The following DOK5 variants were observed in gnomAD, a reference collection of about 807,000 sequenced individuals.
DOK5 encodes downstream of tyrosine kinase 5.
A neutral mutation model predicts 43.3 loss-of-function variants in DOK5; 27 were observed. The ratio of observed to expected loss-of-function variants is 0.62; its 90% CI spans 0.46 to 0.86. The LOEUF is 0.86. Among genes scored for constraint, DOK5 ranks in the 40% least tolerant of loss-of-function variants. The pLI is 0.00. For missense variants in DOK5, 373 were observed against 392.9 expected (o/e 0.95, Z 0.43); for synonymous variants, 146 against 140.1 (o/e 1.04, Z -0.30).
chr20:54,573,038 T>C (rs1173929863), intron 2 of DOK5, among the ~76,000 whole-genome samples: 1 of 152,128 alleles, frequency 6.6e-6, no homozygotes, highest in Non-Finnish European at 1.5e-5. Context: ...CAGTGGGGAA[T>C]AGAGGGAGGC....
At chr20:54,510,108 A>G (rs1352532540) in intron 1 of DOK5, among the ~76,000 whole-genome samples, 1 of 152,166 alleles carries the variant, frequency 6.6e-6, no homozygotes, top group Non-Finnish European at 1.5e-5. Flanking sequence ...CCGCAGAACT[A>G]AAAATAAGAA....
chr20:54,570,825 C>T (rs755518725), intron 2 of DOK5, among the ~76,000 whole-genome samples: 12 of 152,076 alleles, frequency 7.9e-5, no homozygotes, highest in Non-Finnish European at 8.8e-5. Flanking sequence ...AACAGTTTCC[C>T]GTCTAGTTAC....
At chr20:54,640,759 A>T (rs1191873274) in intron 6 of DOK5, among the ~76,000 whole-genome samples, 2 of 152,206 alleles carry the variant, frequency 1.3e-5, no homozygotes, top group Non-Finnish European at 2.9e-5. Flanking sequence ...TATTCCACAA[A>T]TGTTTTCTTT....
intron 1 of DOK5, among the ~76,000 whole-genome samples, chr20:54,506,021 TA>T (rs1371197073): frequency 1.3e-5 from 2 of 152,136 alleles, no homozygotes; most frequent in African/African-American, 4.8e-5. Flanking sequence ...GATTGCATTT[TA>T]AAAACATCAC....
intron 2 of DOK5, among the ~76,000 whole-genome samples, chr20:54,579,390 G>T (rs974201413): frequency 1.0e-4 from 15 of 145,878 alleles, no homozygotes; most frequent in African/African-American, 3.9e-4. Flanking sequence ...AGGGGGTGAG[G>T]CACAGTGGTT....
chr20:54,606,005 G>A (rs1012365645), intron 5 of DOK5, among the ~76,000 whole-genome samples: 15 of 152,218 alleles, frequency 9.9e-5, no homozygotes, highest in Non-Finnish European at 1.5e-4. Flanking sequence ...TGGTGAGATG[G>A]CAGGCCAGCC....
intron 1 of DOK5, among the ~76,000 whole-genome samples, chr20:54,485,644 A>C (rs940754405): frequency 1.3e-5 from 2 of 152,200 alleles, no homozygotes; most frequent in African/African-American, 4.8e-5. Context: ...TTTCACGTGA[A>C]CATACGTTTT....
intron 6 of DOK5, among the ~76,000 whole-genome samples, chr20:54,642,105 C>A (rs1476097664): frequency 3.3e-5 from 5 of 152,298 alleles, no homozygotes; most frequent in African/African-American, 1.2e-4. Context: ...CACCCCCATT[C>A]TTCTTGCATG....
intron 1 of DOK5, among the ~76,000 whole-genome samples, chr20:54,538,244 C>T (rs1467080634): frequency 6.6e-6 from 1 of 151,520 alleles, no homozygotes; most frequent in Admixed American, 6.6e-5. Flanking sequence ...TTCCAAGAAC[C>T]TATTGATATT....
chr20:54,548,482 C>T lies in DOK5; in HGVS notation c.67-6451C>T, dbSNP rs563643282. Among the ~76,000 whole-genome samples, 38 of 152,204 alleles carry T rather than the reference C, an allele frequency of 2.5e-4. 3 individuals carry two copies. The East Asian group carries it at 7.0e-3, about 28-fold the overall frequency. ...GAACTCCTGGACTCAAGCAACTCACCCACCTGGGCCTCCCAATGTGCTGGA... is the reference window on the plus strand; with the variant it reads ...GAACTCCTGGACTCAAGCAACTCACTCACCTGGGCCTCCCAATGTGCTGGA... On this transcript the variant is annotated intron_variant, in intron 1 of 7. Coordinates refer to ENST00000262593, the MANE Select transcript of DOK5 (RefSeq NM_018431.5).
intron 1 of DOK5, among the ~76,000 whole-genome samples, chr20:54,521,700 T>C (rs2146697075): frequency 6.6e-6 from 1 of 152,274 alleles, no homozygotes; most frequent in South Asian, 2.1e-4. Flanking sequence ...ATTGAATCAT[T>C]GGACATTGGT....
At chr20:54,603,489 A>G (rs544193985) in intron 5 of DOK5, among the ~76,000 whole-genome samples, 49 of 152,358 alleles carry the variant, frequency 3.2e-4, no homozygotes, top group African/African-American at 9.9e-4. Context: ...ACTGCCTTGT[A>G]TAGAAAACCT....
chr20:54,597,659 T>C (rs752513836), intron 5 of DOK5, among the ~76,000 whole-genome samples: 1 of 152,180 alleles, frequency 6.6e-6, no homozygotes, highest in Non-Finnish European at 1.5e-5. Context: ...CCAAACTCCA[T>C]AGATTTTTAA....
intron 7 of DOK5, 46 bp from the exon 8 acceptor site, chr20:54,650,369 G>A (rs1979640719): frequency 1.3e-6 from 2 of 1,587,824 alleles, no homozygotes; most frequent in Admixed American, 1.7e-5. Flanking sequence ...TTGATTGTGG[G>A]CTTTCTTGAA....
intron 2 of DOK5, among the ~76,000 whole-genome samples, chr20:54,564,098 T>C (rs1054244831): frequency 6.6e-6 from 1 of 152,204 alleles, no homozygotes; most frequent in African/African-American, 2.4e-5. Context: ...ACATTCATTG[T>C]GATGAAAACA....
rs73913635 is a variant in DOK5 at position 54,620,626 on chromosome 20, T to C, written c.735+10103T>C. Among the ~76,000 whole-genome samples, 1,155 of 152,296 alleles carry C rather than the reference T, an allele frequency of 7.6e-3. 15 individuals are homozygous for C. The highest frequency in any genetic ancestry group is 0.026 in the African/African-American group (1,101 of 41,554). ...CAACAGTGTAATTCTGTGGGTTCAATTTGCTATGGTCTCTTTGGATGACCA... is the reference window on the plus strand; with the variant it reads ...CAACAGTGTAATTCTGTGGGTTCAACTTGCTATGGTCTCTTTGGATGACCA... On this transcript the variant is annotated intron_variant, in intron 6 of 7. Coordinates refer to ENST00000262593, the MANE Select transcript of DOK5 (RefSeq NM_018431.5).
At chr20:54,625,988 G>A (rs151187307) in intron 6 of DOK5, among the ~76,000 whole-genome samples, 55 of 152,328 alleles carry the variant, frequency 3.6e-4, no homozygotes, top group African/African-American at 1.2e-3. Flanking sequence ...ACGCTGCTGC[G>A]AGGAGGGTCT....
chr20:54,592,811 C>A (rs1361401354), intron 5 of DOK5, among the ~76,000 whole-genome samples: 1 of 152,064 alleles, frequency 6.6e-6, no homozygotes, highest in Non-Finnish European at 1.5e-5. Flanking sequence ...GGATTACCGG[C>A]GTGAGCCACC....
chr20:54,604,324 T>C (rs576988040), intron 5 of DOK5, among the ~76,000 whole-genome samples: 1 of 152,004 alleles, frequency 6.6e-6, no homozygotes, highest in African/African-American at 2.4e-5. Context: ...TTACTTTTAA[T>C]TTTATATCCC....
Sources: allele counts gnomAD v4.1 joint callset (sites outside exome capture counted in the v4.1 genomes callset), GRCh38; gene constraint gnomAD v4.1.1; transcripts MANE v1.5; gene names NCBI Gene and HGNC (gene_info 2026-07-23, HGNC 2026-07-21).